The following HERC1 variants were observed in gnomAD, a reference collection of about 807,000 sequenced individuals.
HERC1 encodes HECT and RLD domain containing E3 ubiquitin protein ligase family member 1.
A neutral mutation model predicts 554.3 loss-of-function variants in HERC1; 160 were observed. That is an observed-to-expected ratio of 0.29 (90% CI 0.25 to 0.33). The LOEUF is 0.33. Among genes scored for constraint, HERC1 ranks in the 10% least tolerant of loss-of-function variants. HERC1 has a pLI of 1.00. For synonymous variants in HERC1, 2,175 were observed against 2,131.7 expected, an observed-to-expected ratio of 1.02 and a Z score of -0.56; for missense variants, 4,919 against 5,918.5, an observed-to-expected ratio of 0.83 and a Z score of 5.54.
intron 16 of HERC1, 108 bp downstream of exon 16, chr15:63,729,128 C>A: frequency 2.0e-6 from 2 of 1,012,896 alleles, no homozygotes; most frequent in Non-Finnish European, 2.8e-6. Flanking sequence ...GAAGGAAATT[C>A]AAGACCATTC....
intron 8 of HERC1, among the ~76,000 whole-genome samples, chr15:63,750,709 A>G (rs1245359258): frequency 6.6e-6 from 1 of 152,170 alleles, no homozygotes; most frequent in East Asian, 1.9e-4. Context: ...TGGCAGGAGG[A>G]TCACCCAAGC....
At chr15:63,806,162 G>T (rs934123076) in intron 1 of HERC1, among the ~76,000 whole-genome samples, 28 of 151,464 alleles carry the variant, frequency 1.8e-4, no homozygotes, top group Non-Finnish European at 2.9e-4. Flanking sequence ...CAGAACACAA[G>T]TGGTTTTTTT....
rs1009151971 is a variant in HERC1, at chr15:63,635,028, T to TA, written c.12415-141dup. ...CTGGATCTTCAAAGACCAATGCTTTTAAAAATTTTTTTTTTTAATTTTTTT... is the reference window on the plus strand; with the variant it reads ...CTGGATCTTCAAAGACCAATGCTTTTAAAAAATTTTTTTTTTTAATTTTTTT... On this transcript the variant is annotated intron_variant, in intron 65 of 77. Transcript: ENST00000443617. 3 of 580,520 alleles carry TA rather than the reference T, an allele frequency of 5.2e-6. No individual in the cohort carries two copies. In the African/African-American group the frequency reaches 5.8e-5, roughly 11 times the overall value. The allele number at this position is 580,520 out of a possible 1,614,324, so 36.0% of individuals were successfully genotyped here. A position where few individuals can be genotyped will look rare whatever the true frequency, so the allele number is the denominator to read the frequency against.
chr15:63,773,336 C>T (rs148054016), intron 2 of HERC1, among the ~76,000 whole-genome samples: 1,799 of 148,382 alleles, frequency 0.012, 30 homozygotes, highest in African/African-American at 0.043. Flanking sequence ...CCCAGCTACT[C>T]GGGAGGCTGA....
rs369230581 is a variant in HERC1 at position 63,666,479 on chromosome 15, C to A, written c.8207-7G>T. 1 of 1,555,702 alleles carries A rather than the reference C, an allele frequency of 6.4e-7. No homozygotes were observed. The highest frequency in any genetic ancestry group is 8.8e-7 in the Non-Finnish European group (1 of 1,136,324). ...CTGCTTGGGTCTGACAAGGCTGAGA[C>A]AAAAGGAAGAGAAATAAGAACCTAA... On this transcript the variant is annotated splice_polypyrimidine_tract_variant and splice_region_variant and intron_variant, in intron 40 of 77. Coordinates refer to ENST00000443617, the MANE Select transcript of HERC1 (RefSeq NM_003922.4).
At chr15:63,815,782 T>C (rs2077471384) in intron 1 of HERC1, among the ~76,000 whole-genome samples, 1 of 152,072 alleles carries the variant, frequency 6.6e-6, no homozygotes, top group Non-Finnish European at 1.5e-5. Flanking sequence ...GGGTAATTTA[T>C]AAAGGAAAGA....
chr15:63,791,191 T>C (rs568456523), intron 1 of HERC1, among the ~76,000 whole-genome samples: 3 of 152,330 alleles, frequency 2.0e-5, no homozygotes, highest in Admixed American at 1.3e-4. Context: ...CACTCTGAGA[T>C]AGTTTTACTT....
chr15:63,749,602 CA>C lies in HERC1; in HGVS notation c.2047+44del, dbSNP rs1238941674. On this transcript the variant is annotated intron_variant, in intron 9 of 77. Coordinates refer to ENST00000443617, the MANE Select transcript of HERC1 (RefSeq NM_003922.4). The surrounding 1 kb of genome is among the most constrained non-coding windows in gnomAD (Gnocchi z 4.1). ...CAAATTCAAATGTAATATATTTACACAAGACAACAGTTAATACTATTTCCTT... is the reference window on the plus strand; with the variant it reads ...CAAATTCAAATGTAATATATTTACACAGACAACAGTTAATACTATTTCCTT... 6.3e-7 allele frequency: 1 copy of C among 1,581,760 alleles called. No homozygotes were observed. The highest frequency in any genetic ancestry group is 8.6e-7 in the Non-Finnish European group (1 of 1,164,390).
rs957520941 is a variant in HERC1, at chr15:63,680,981, T to A, written c.6226-205A>T. ...AACATTCTTTATCTTGCAGGGCATT[T>A]AGAATAACCTTTGAATATCTATAGT... On this transcript the variant is annotated intron_variant, in intron 34 of 77. Coordinates refer to ENST00000443617, the MANE Select transcript of HERC1 (RefSeq NM_003922.4). This position sits in a 1 kb window ranked among gnomAD's most constrained non-coding sequence, Gnocchi z 5.8. Among the ~76,000 whole-genome samples the A allele has an allele frequency of 1.1e-4, 17 of 152,246 alleles. No homozygotes were observed. The highest frequency in any genetic ancestry group is 1.1e-3 in the Admixed American group (17 of 15,292).
chr15:63,609,773 T>C (rs935392794), intron 77 of HERC1, among the ~76,000 whole-genome samples: 32 of 152,198 alleles, frequency 2.1e-4, no homozygotes, highest in African/African-American at 6.8e-4. Context: ...GCAGGCGCCA[T>C]GGCTGCCTCG....
chr15:63,756,492 C>T lies in HERC1; in HGVS notation c.1478G>A (p.Gly493Glu). Residue 493 changes from glycine (G) to glutamate (E), a missense_variant, in exon 5 of 78, where the codon GGA becomes GAA. By Grantham distance (98) the Gly-to-Glu change is moderately conservative (BLOSUM62 -2). Transcript: ENST00000443617. This position sits in a 1 kb window ranked among gnomAD's most constrained non-coding sequence, Gnocchi z 5.0. Reference protein sequence around the residue: ...GDGDYGKLGHGNSSTQKYPKL... With the variant: ...GDGDYGKLGHENSSTQKYPKL... ...GGGATATTTCTGTGTTGAACTATTT[C>T]CATGCCCCAGTTTCCCATAATCACC... The T allele has an allele frequency of 1.2e-6, 2 of 1,614,002 alleles. No individual in the cohort carries two copies. Among genetic ancestry groups the T allele is most frequent in the Non-Finnish European group, 1.7e-6 (2 of 1,179,866 alleles).
At chr15:63,650,174 G>A (rs1011497595) in intron 53 of HERC1, among the ~76,000 whole-genome samples, 4 of 151,908 alleles carry the variant, frequency 2.6e-5, no homozygotes, top group Admixed American at 6.6e-5. Flanking sequence ...AGGCCAAGAC[G>A]GGCGGATCAC....
chr15:63,761,960 C>T (rs944957788), intron 3 of HERC1, among the ~76,000 whole-genome samples: 1 of 152,186 alleles, frequency 6.6e-6, no homozygotes, highest in Admixed American at 6.5e-5. Flanking sequence ...CACATCCTAG[C>T]TCTGTCTACC....
At chr15:63,776,021 A>T (rs10152419) in intron 1 of HERC1, among the ~76,000 whole-genome samples, 3 of 150,002 alleles carry the variant, frequency 2.0e-5, no homozygotes, top group Non-Finnish European at 4.4e-5. Flanking sequence ...CTGGGTGACA[A>T]AGCGAGACTC....
rs765716008 is a variant in HERC1 at position 63,623,832 on chromosome 15, C to T, written c.13504G>A (p.Ala4502Thr). ...QIARQVVKLNASDLRLPSRAW... is the reference protein window; with the variant it reads ...QIARQVVKLNTSDLRLPSRAW... Reference sequence around the variant, plus strand: ...CGGGAAGGCAGGCGGAGGTCTGAAGCATTCAGCTTAACTACTTGTCTCGCT... The same window carrying T: ...CGGGAAGGCAGGCGGAGGTCTGAAGTATTCAGCTTAACTACTTGTCTCGCT... The change falls in exon 73 of 78, where the codon GCT becomes ACT. Residue 4502 changes from alanine (A) to threonine (T), a missense_variant. Physicochemically the swap from Ala to Thr is moderately conservative, Grantham distance 58 (BLOSUM62 0). Coordinates refer to ENST00000443617, the MANE Select transcript of HERC1 (RefSeq NM_003922.4). The T allele has an allele frequency of 1.2e-6, 2 of 1,613,904 alleles. No homozygotes were observed. Among genetic ancestry groups the T allele is most frequent in the South Asian group, 1.1e-5 (1 of 91,088 alleles).
intron 1 of HERC1, among the ~76,000 whole-genome samples, chr15:63,816,412 C>G (rs1044796000): frequency 6.6e-6 from 1 of 152,164 alleles, no homozygotes; most frequent in African/African-American, 2.4e-5. Flanking sequence ...TTTTATTAAT[C>G]TGATTCACAC....
chr15:63,676,014 C>T (rs1223206916), intron 37 of HERC1, among the ~76,000 whole-genome samples: 2 of 151,774 alleles, frequency 1.3e-5, no homozygotes, highest in Non-Finnish European at 2.9e-5. Context: ...AGAGATTCTC[C>T]TGCCTTAGCT....
chr15:63,636,497 C>T (rs1463161353), intron 64 of HERC1, among the ~76,000 whole-genome samples: 1 of 152,062 alleles, frequency 6.6e-6, no homozygotes, highest in Admixed American at 6.5e-5. Flanking sequence ...TCATGAACTC[C>T]TGACCTCAAG....
chr15:63,788,847 C>A (rs2076536444), intron 1 of HERC1, among the ~76,000 whole-genome samples: 2 of 147,754 alleles, frequency 1.4e-5, no homozygotes, highest in Non-Finnish European at 3.0e-5. Flanking sequence ...TGCACTCCAG[C>A]CTGGGTAACA....
Sources: gnomAD v4.1 joint callset for allele counts (sites outside exome capture counted in the v4.1 genomes callset) on GRCh38, gnomAD v4.1.1 for gene constraint, Gnocchi (gnomAD v3.1) non-coding constraint, MANE v1.5 for transcripts, NCBI Gene and HGNC (gene_info 2026-07-23, HGNC 2026-07-21) for gene names.